The following ST6GALNAC3 variants were observed in gnomAD, a reference collection of about 807,000 sequenced individuals.
ST6GALNAC3 encodes alpha-N-acetylgalactosaminide alpha-2,6-sialyltransferase 3.
ST6GALNAC3 carries 25 observed loss-of-function variants against 32.7 expected under a neutral mutation model. That is an observed-to-expected ratio of 0.76 (90% CI 0.56 to 1.07). The LOEUF (loss-of-function observed/expected upper bound fraction) is 1.07. Among genes scored for constraint, ST6GALNAC3 ranks in the 50% least tolerant of loss-of-function variants. The probability of loss-of-function intolerance (pLI) is 0.00; values close to 1 mark genes in which losing one functional copy is unlikely to be tolerated. For missense variants in ST6GALNAC3, 355 were observed against 382.4 expected (o/e 0.93, Z 0.60); for synonymous variants, 129 against 133.1 (o/e 0.97, Z 0.21).
chr1:76,511,787 A>G (rs1029697688), intron 3 of ST6GALNAC3, among the ~76,000 whole-genome samples: 2 of 152,216 alleles, frequency 1.3e-5, no homozygotes, highest in African/African-American at 2.4e-5. Context: ...CCTCTTGAAT[A>G]TAGTGAAAAT....
At chr1:76,432,874 A>G (rs1006526530) in intron 3 of ST6GALNAC3, among the ~76,000 whole-genome samples, 3 of 152,190 alleles carry the variant, frequency 2.0e-5, no homozygotes, top group Admixed American at 6.5e-5. Flanking sequence ...TCGGTGTTCA[A>G]TGAAAATTGT....
At chr1:76,130,232 GC>G (rs1315456625) in intron 1 of ST6GALNAC3, among the ~76,000 whole-genome samples, 1 of 152,182 alleles carries the variant, frequency 6.6e-6, no homozygotes, top group South Asian at 2.1e-4. Flanking sequence ...TCATGTAGTT[GC>G]CAGTCTCCTG....
chr1:76,528,967 G>C (rs1663086558), intron 3 of ST6GALNAC3, among the ~76,000 whole-genome samples: 1 of 151,132 alleles, frequency 6.6e-6, no homozygotes, highest in Non-Finnish European at 1.5e-5. Flanking sequence ...TGGAATATAA[G>C]TATGCCAATA....
intron 3 of ST6GALNAC3, among the ~76,000 whole-genome samples, chr1:76,604,969 G>T (rs1318272997): frequency 6.6e-6 from 1 of 152,022 alleles, no homozygotes; most frequent in Non-Finnish European, 1.5e-5. Context: ...GGGTCATTCT[G>T]TCACCAATAT....
At chr1:76,341,599 A>G (rs1232132965) in intron 2 of ST6GALNAC3, among the ~76,000 whole-genome samples, 2 of 131,838 alleles carry the variant, frequency 1.5e-5, no homozygotes, top group African/African-American at 5.7e-5. Context: ...GAAATCTCCA[A>G]ACTGCTTTTC....
chr1:76,334,539 G>C (rs1557796873), intron 2 of ST6GALNAC3, among the ~76,000 whole-genome samples: 1 of 152,200 alleles, frequency 6.6e-6, no homozygotes, highest in Non-Finnish European at 1.5e-5. Context: ...AGCGATGTTG[G>C]ACAAATGAAG....
chr1:76,591,049 G>A (rs1647039215), intron 3 of ST6GALNAC3, among the ~76,000 whole-genome samples: 1 of 152,182 alleles, frequency 6.6e-6, no homozygotes, highest in Non-Finnish European at 1.5e-5. Flanking sequence ...ACTAAAGGAA[G>A]ATATTTGATG....
chr1:76,513,561 T>C lies in ST6GALNAC3; in HGVS notation c.623+101144T>C, dbSNP rs531664170. ...TGTAATCTATTTTAAAGTCAGGTAG[T>C]GTGATGCCTCCAGCTTTGTTCTTTT... On this transcript the variant is annotated intron_variant, in intron 3 of 4. Transcript: ENST00000328299. Among the ~76,000 whole-genome samples the C allele has an allele frequency of 2.6e-5, 4 of 152,250 alleles. No individual in the cohort carries two copies. In the South Asian group the frequency reaches 8.3e-4, roughly 32 times the overall value.
At chr1:76,494,839 T>C (rs1390700392) in intron 3 of ST6GALNAC3, among the ~76,000 whole-genome samples, 2 of 152,046 alleles carry the variant, frequency 1.3e-5, no homozygotes, top group Non-Finnish European at 2.9e-5. Context: ...TTCTAAGATT[T>C]GAAGTCAGCA....
intron 3 of ST6GALNAC3, among the ~76,000 whole-genome samples, chr1:76,566,646 C>G (rs1266401168): frequency 6.6e-6 from 1 of 152,154 alleles, no homozygotes; most frequent in African/African-American, 2.4e-5. Context: ...TGTCACCTAA[C>G]CAGAAAGGCT....
chr1:76,541,731 C>T (rs1309552651), intron 3 of ST6GALNAC3, among the ~76,000 whole-genome samples: 2 of 152,194 alleles, frequency 1.3e-5, no homozygotes, highest in Non-Finnish European at 2.9e-5. Flanking sequence ...AAATGAAGCA[C>T]ATGCTGTGTG....
chr1:76,494,457 A>G (rs1247150243), intron 3 of ST6GALNAC3, among the ~76,000 whole-genome samples: 2 of 88,790 alleles, frequency 2.3e-5, no homozygotes, highest in Admixed American at 1.3e-4. Context: ...ATATATATAT[A>G]TATATATATA....
intron 3 of ST6GALNAC3, among the ~76,000 whole-genome samples, chr1:76,488,634 A>G (rs191200774): frequency 6.6e-6 from 1 of 152,276 alleles, no homozygotes; most frequent in Admixed American, 6.5e-5. Context: ...GACATTGTAA[A>G]ATAATTTATG....
At chr1:76,149,227 T>A (rs1156896560) in intron 1 of ST6GALNAC3, among the ~76,000 whole-genome samples, 1 of 152,244 alleles carries the variant, frequency 6.6e-6, no homozygotes, top group African/African-American at 2.4e-5. Flanking sequence ...GTTTGTTTGA[T>A]AGACAGACAT....
intron 3 of ST6GALNAC3, among the ~76,000 whole-genome samples, chr1:76,455,954 G>A (rs1291341784): frequency 6.6e-6 from 1 of 152,194 alleles, no homozygotes; most frequent in Admixed American, 6.5e-5. Context: ...GGGAGGCTGA[G>A]GCAGGCAGAT....
chr1:76,213,779 A>G (rs1456229984), intron 1 of ST6GALNAC3, among the ~76,000 whole-genome samples: 2 of 152,184 alleles, frequency 1.3e-5, no homozygotes, highest in Non-Finnish European at 2.9e-5. Flanking sequence ...AACCCAGCAG[A>G]TGAAGTCATC....
chr1:76,408,352 C>T (rs1490293235), intron 2 of ST6GALNAC3, among the ~76,000 whole-genome samples: 1 of 152,042 alleles, frequency 6.6e-6, no homozygotes. Context: ...AGATGACGGC[C>T]ATGGTGACAG....
intron 1 of ST6GALNAC3, among the ~76,000 whole-genome samples, chr1:76,184,758 A>T (rs1570355256): frequency 6.6e-6 from 1 of 152,166 alleles, no homozygotes; most frequent in Non-Finnish European, 1.5e-5. Flanking sequence ...TTGTGGCTGG[A>T]CAGAGGATGC....
At chr1:76,276,630 C>T (rs1016887749) in intron 1 of ST6GALNAC3, among the ~76,000 whole-genome samples, 6 of 152,214 alleles carry the variant, frequency 3.9e-5, no homozygotes, top group African/African-American at 1.2e-4. Context: ...CCAATCTTCT[C>T]TTATACATTG....
Sources: allele counts gnomAD v4.1 joint callset (sites outside exome capture counted in the v4.1 genomes callset), GRCh38; gene constraint gnomAD v4.1.1; transcripts MANE v1.5; gene names NCBI Gene and HGNC (gene_info 2026-07-23, HGNC 2026-07-21).